Variants in TRIM55 observed in about 807,000 individuals in gnomAD.
TRIM55 encodes tripartite motif containing 55, also known as tripartite motif-containing protein 55.
In TRIM55, 50 loss-of-function variants were observed where a neutral mutation model predicts 60.9. The ratio of observed to expected loss-of-function variants is 0.82; its 90% CI spans 0.65 to 1.04. The LOEUF is 1.04. Among genes scored for constraint, TRIM55 ranks in the 50% least tolerant of loss-of-function variants. The pLI is 0.00. For synonymous variants in TRIM55, 237 were observed against 238.1 expected (o/e 1.00, Z 0.04); for missense variants, 681 against 666.9 (o/e 1.02, Z -0.23).
chr8:66,116,636 G>T, the TRIM55 span, among the ~76,000 whole-genome samples: 2 of 70,212 alleles, frequency 2.8e-5, no homozygotes, highest in African/African-American at 5.1e-4. Flanking sequence ...AAAGAAAAAA[G>T]ACTGGAAACA....
At chr8:66,137,325 T>G (rs1370704128) in intron 4 of TRIM55, 135 bp downstream of exon 4, 3 of 624,036 alleles carry the variant, frequency 4.8e-6, no homozygotes, top group Non-Finnish European at 8.4e-6. Context: ...CTTCCTGATA[T>G]GTCTCTGAAA....
At chr8:66,126,094 G>A (rs1411533761), upstream of TRIM55, among the ~76,000 whole-genome samples, 1 of 152,146 alleles carries the variant, frequency 6.6e-6, no homozygotes, top group Non-Finnish European at 1.5e-5. Context: ...AGAAACTATG[G>A]TTTAACAAGT....
chr8:66,152,020 T>C (rs1285885319), intron 7 of TRIM55, among the ~76,000 whole-genome samples: 1 of 152,170 alleles, frequency 6.6e-6, no homozygotes, highest in Admixed American at 6.5e-5. Context: ...TTCCATTTAA[T>C]CTGACAGAGA....
At chr8:66,163,198 A>G (rs765380630) in intron 9 of TRIM55, among the ~76,000 whole-genome samples, 17 of 152,116 alleles carry the variant, frequency 1.1e-4, no homozygotes, top group Non-Finnish European at 2.2e-4. Flanking sequence ...AGTTTCCACA[A>G]TGTTCCATCT....
In TRIM55 at chr8:66,174,754, A is replaced by G. The variant is rs962176733; in HGVS notation, c.*161A>G. ...TGCAATTCCATATGACTTATCTAAC[A>G]TCTTGGGGGGAAAGAATATTTTGAG... On this transcript the variant is annotated 3_prime_UTR_variant, in exon 10 of 10. Transcript: ENST00000315962. The G allele has an allele frequency of 6.9e-6, 4 of 580,254 alleles. No individual in the cohort carries two copies. The highest frequency in any genetic ancestry group is 1.1e-5 in the Non-Finnish European group (4 of 376,478). 35.9% of individuals were successfully genotyped at this position (580,254 alleles called of 1,614,324 possible). A position where few individuals can be genotyped will look rare whatever the true frequency, so the allele number is the denominator to read the frequency against.
the TRIM55 span, among the ~76,000 whole-genome samples, chr8:66,118,873 G>T: frequency 6.6e-6 from 1 of 152,124 alleles, no homozygotes; most frequent in Non-Finnish European, 1.5e-5. Context: ...AAAAAGGGAG[G>T]GATGGGTGGA....
chr8:66,160,356 G>GGTGTGTGTGTGTGT (rs35422649), intron 9 of TRIM55, among the ~76,000 whole-genome samples: 1,967 of 146,026 alleles, frequency 0.013, 42 homozygotes, highest in African/African-American at 0.045. Context: ...AGTATTCCAT[G>GGTGTGTGTGTGTGT]GTGTGTGTGT....
intron 9 of TRIM55, among the ~76,000 whole-genome samples, chr8:66,160,187 T>A (rs755762326): frequency 1.3e-5 from 2 of 152,162 alleles, no homozygotes; most frequent in Non-Finnish European, 2.9e-5. Context: ...CATGTATTAT[T>A]CTTATGCCTT....
At chr8:66,150,987 G>T (rs1353406962) in intron 7 of TRIM55, among the ~76,000 whole-genome samples, 3 of 152,110 alleles carry the variant, frequency 2.0e-5, no homozygotes, top group Non-Finnish European at 4.4e-5. Context: ...TTAATGTCAG[G>T]TTGGGTATTT....
chr8:66,174,367 A>G (rs1286735851), intron 9 of TRIM55, 104 bp from the exon 10 acceptor site: 7 of 845,420 alleles, frequency 8.3e-6, no homozygotes, highest in Non-Finnish European at 1.1e-5. Flanking sequence ...TTATAATAAT[A>G]ATTGTTATTA....
At chr8:66,159,134 G>A (rs781392297) in intron 9 of TRIM55, among the ~76,000 whole-genome samples, 2 of 152,200 alleles carry the variant, frequency 1.3e-5, no homozygotes, top group Non-Finnish European at 2.9e-5. Context: ...CCACAGTTAA[G>A]ATGTAGAATA....
At chr8:66,130,564 G>GC (rs943317399) in intron 2 of TRIM55, among the ~76,000 whole-genome samples, 3 of 150,948 alleles carry the variant, frequency 2.0e-5, no homozygotes, top group East Asian at 1.9e-4. Context: ...AAGGGGGTCG[G>GC]GGGGGGTGAC....
Position 66,155,503 on chromosome 8 carries a change from G to A in TRIM55, c.1524+1169G>A, listed in dbSNP as rs1300642929. ...GGGGCTGTTTTCTGAAAACAGTAGT[G>A]CACTACCCCATGAAGAGCACGTAGT... On this transcript the variant is annotated intron_variant, in intron 9 of 9. Coordinates refer to ENST00000315962, the MANE Select transcript of TRIM55 (RefSeq NM_184085.2). 4 of 659,200 alleles carry A rather than the reference G, an allele frequency of 6.1e-6. No individual in the cohort carries two copies. In the East Asian group the frequency reaches 1.1e-4, roughly 18 times the overall value. 40.8% of individuals were successfully genotyped at this position (659,200 alleles called of 1,614,324 possible).
intron 9 of TRIM55, among the ~76,000 whole-genome samples, chr8:66,170,097 G>T (rs1811540168): frequency 6.6e-6 from 1 of 152,090 alleles, no homozygotes; most frequent in African/African-American, 2.4e-5. Flanking sequence ...GAAAATGGGA[G>T]TATATAATGT....
chr8:66,165,867 C>T (rs914269550), intron 9 of TRIM55, among the ~76,000 whole-genome samples: 1 of 151,928 alleles, frequency 6.6e-6, no homozygotes, highest in Non-Finnish European at 1.5e-5. Flanking sequence ...ATTTTTTTAA[C>T]AAGTAAGTTT....
At chr8:66,149,183 T>C (rs1810265147) in intron 4 of TRIM55, among the ~76,000 whole-genome samples, 1 of 152,178 alleles carries the variant, frequency 6.6e-6, no homozygotes, top group South Asian at 2.1e-4. Context: ...CTACAAATTC[T>C]ATATAGGAGG....
rs975534843 is a variant in TRIM55 at position 66,149,559 on chromosome 8, GTTC to G, written c.604-80_604-78del. On this transcript the variant is annotated intron_variant, in intron 4 of 9. Transcript: ENST00000315962. The stretch of plus-strand genomic sequence containing the variant: ...AAAAAAATATCCTACATAAGTAAAT[GTTC>G]TTCTTTCCCAGGATAACTAGGTGAT... 7 of 1,069,744 alleles carry G rather than the reference GTTC, an allele frequency of 6.5e-6. No homozygotes were observed. The South Asian group carries it at 8.8e-5, about 13-fold the overall frequency. 66.3% of individuals were successfully genotyped at this position (1,069,744 alleles called of 1,614,324 possible).
chr8:66,117,507 T>C, the TRIM55 span, among the ~76,000 whole-genome samples: 1 of 152,256 alleles, frequency 6.6e-6, no homozygotes, highest in South Asian at 2.1e-4. Context: ...ATTTGTCACA[T>C]ACATCTTATT....
chr8:66,154,394 A>G, intron 9 of TRIM55, 60 bp downstream of exon 9: 1 of 1,540,408 alleles, frequency 6.5e-7, no homozygotes, highest in Non-Finnish European at 8.8e-7. Flanking sequence ...CCACTGGAAC[A>G]GGCCACAGCA....
Sources: allele counts gnomAD v4.1 joint callset (sites outside exome capture counted in the v4.1 genomes callset), GRCh38; gene constraint gnomAD v4.1.1; transcripts MANE v1.5; gene names NCBI Gene and HGNC (gene_info 2026-07-23, HGNC 2026-07-21).